Variants in RMST observed in about 807,000 individuals in gnomAD.
The protein encoded by RMST is rhabdomyosarcoma 2 associated transcript, also known as long intergenic non-protein coding RNA 54.
chr12:97,524,414 A>G (rs879668011), intron 10 of RMST, among the ~76,000 whole-genome samples: 1 of 152,154 alleles, frequency 6.6e-6, no homozygotes, highest in Non-Finnish European at 1.5e-5. Flanking sequence ...TGCTCTAGAA[A>G]AGAAAAATTA....
chr12:97,489,105 TAAGC>T (rs753270790), intron 5 of RMST, among the ~76,000 whole-genome samples: 1 of 152,272 alleles, frequency 6.6e-6, no homozygotes, highest in Admixed American at 6.5e-5. Flanking sequence ...TAAAAACAAT[TAAGC>T]AAGCAATACT....
chr12:97,515,555 T>C (rs1162089437), intron 10 of RMST, among the ~76,000 whole-genome samples: 1 of 152,086 alleles, frequency 6.6e-6, no homozygotes, highest in African/African-American at 2.4e-5. Flanking sequence ...CTTAGCATTG[T>C]ACCAAACATA....
intron 10 of RMST, among the ~76,000 whole-genome samples, chr12:97,514,669 T>G (rs954863473): frequency 1.7e-5 from 2 of 115,698 alleles, no homozygotes; most frequent in Admixed American, 8.6e-5. Context: ...AGTATATTGT[T>G]TTTTTTTTTT....
chr12:97,535,765 C>T (rs1350659944), intron 11 of RMST, among the ~76,000 whole-genome samples: 2 of 151,496 alleles, frequency 1.3e-5, no homozygotes, highest in African/African-American at 2.4e-5. Flanking sequence ...TCAGGAACTA[C>T]GATGAGGTAA....
exon 9 of RMST, chr12:97,494,698 G>A (rs904167104): frequency 2.6e-5 from 4 of 151,796 alleles, no homozygotes; most frequent in African/African-American, 9.7e-5. Flanking sequence ...CTTTCAGACT[G>A]GCTGAAACCA....
chr12:97,514,425 C>A (rs924150410), intron 10 of RMST, among the ~76,000 whole-genome samples: 1 of 152,146 alleles, frequency 6.6e-6, no homozygotes, highest in South Asian at 2.1e-4. Flanking sequence ...CTTTTGTTTT[C>A]CAAAATAGTG....
intron 5 of RMST, among the ~76,000 whole-genome samples, chr12:97,468,515 A>G (rs1340936717): frequency 6.6e-6 from 1 of 151,986 alleles, no homozygotes; most frequent in Non-Finnish European, 1.5e-5. Flanking sequence ...ATTTAAGCAC[A>G]GTGTTCTTGT....
At chr12:97,495,081 GT>G (rs1027867511) in intron 9 of RMST, among the ~76,000 whole-genome samples, 1 of 151,140 alleles carries the variant, frequency 6.6e-6, no homozygotes, top group Admixed American at 6.6e-5. Context: ...TATTTTTACT[GT>G]TTTTTTCATC....
intron 11 of RMST, among the ~76,000 whole-genome samples, chr12:97,553,178 A>T (rs1272957852): frequency 6.6e-6 from 1 of 152,078 alleles, no homozygotes; most frequent in Non-Finnish European, 1.5e-5. Context: ...AAACCCTGTG[A>T]CCCATCTTTT....
chr12:97,525,853 A>C (rs770261988), intron 10 of RMST, among the ~76,000 whole-genome samples: 4 of 152,168 alleles, frequency 2.6e-5, no homozygotes, highest in Non-Finnish European at 4.4e-5. Context: ...ATTTACAGCC[A>C]GTCAAAATCA....
At position 97,486,459 on chromosome 12, in the gene RMST, C is replaced by T. The variant is rs568790978; in HGVS notation, n.645-6002C>T. Among the ~76,000 whole-genome samples the T allele has an allele frequency of 4.3e-4, 66 of 152,224 alleles. 1 individual carries two copies. The highest frequency in any genetic ancestry group is 7.1e-4 in the Non-Finnish European group (48 of 68,018). On this transcript the variant is annotated intron_variant and non_coding_transcript_variant, in intron 5 of 13. Transcript: ENST00000640149. ...TAAATAATTATTTGTAAGAAACAAACGATGTCTGAAAGTAGGGCTGATCTA... is the reference window on the plus strand; with the variant it reads ...TAAATAATTATTTGTAAGAAACAAATGATGTCTGAAAGTAGGGCTGATCTA...
At chr12:97,524,075 C>CAGAGGAAA (rs57255256) in intron 10 of RMST, among the ~76,000 whole-genome samples, 1 of 56,118 alleles carries the variant, frequency 1.8e-5, no homozygotes, top group Non-Finnish European at 3.2e-5. Flanking sequence ...GACTCTGTCT[C>CAGAGGAAA]AAAAAAAAAA....
Sources: allele counts gnomAD v4.1 joint callset (sites outside exome capture counted in the v4.1 genomes callset), GRCh38; gene constraint gnomAD v4.1.1; transcripts MANE v1.5; gene names NCBI Gene and HGNC (gene_info 2026-07-23, HGNC 2026-07-21).